SLC35F4: variants seen among roughly 807,000 people sequenced by gnomAD.
SLC35F4 encodes the protein solute carrier family 35 member F4.
SLC35F4 carries 24 observed loss-of-function variants against 44.2 expected under a neutral mutation model. The observed-to-expected ratio is 0.54, with a 90% CI of 0.39 to 0.76. The LOEUF (loss-of-function observed/expected upper bound fraction) is 0.76, where lower values mean the gene tolerates loss of function less well. Ranked by LOEUF, SLC35F4 falls within the 30% of genes least tolerant of loss-of-function variation. The pLI, the probability that SLC35F4 is intolerant of heterozygous loss-of-function variation, is 0.00. For missense variants in SLC35F4, 562 were observed against 586.1 expected, an observed-to-expected ratio of 0.96 and a Z score of 0.42; for synonymous variants, 238 against 223.6, an observed-to-expected ratio of 1.06 and a Z score of -0.57.
intron 1 of SLC35F4, among the ~76,000 whole-genome samples, chr14:57,783,091 AATC>A (rs1207475095): frequency 6.6e-6 from 1 of 152,154 alleles, no homozygotes; most frequent in Non-Finnish European, 1.5e-5. Flanking sequence ...TACCTTTTAA[AATC>A]ATATTAAAAA....
At position 57,715,705 on chromosome 14, in the gene SLC35F4, T is replaced by C. The variant is rs199766451; in HGVS notation, c.104-121581A>G. Among the ~76,000 whole-genome samples the C allele has an allele frequency of 5.3e-5, 8 of 152,050 alleles. No individual in the cohort carries two copies. In the East Asian group the frequency reaches 1.5e-3, roughly 29 times the overall value. ...ATTGAAATGAGCATCTGGCACTTAG[T>C]AGATGTTCAGTAAATGTTGGATGAT... On this transcript the variant is annotated intron_variant, in intron 1 of 7. Coordinates refer to ENST00000556826, the MANE Select transcript of SLC35F4 (RefSeq NM_001306087.2).
chr14:57,918,691 G>C (rs928777606), intron 1 of SLC35F4, among the ~76,000 whole-genome samples: 1 of 152,160 alleles, frequency 6.6e-6, no homozygotes, highest in African/African-American at 2.4e-5. Context: ...GAAGTGAATT[G>C]GGACCTTGAC....
chr14:57,917,716 G>A lies in SLC35F4; in HGVS notation n.282+64197C>T, dbSNP rs547998002. Among the ~76,000 whole-genome samples, 16 of 151,998 alleles carry A rather than the reference G, an allele frequency of 1.1e-4. 1 individual carries two copies. In the South Asian group the frequency reaches 2.7e-3, roughly 26 times the overall value. ...CTTCAATTTAAATTTTAGATACAGGGGGTACATGTACAGGTTTGTTACATA... is the reference window on the plus strand; with the variant it reads ...CTTCAATTTAAATTTTAGATACAGGAGGTACATGTACAGGTTTGTTACATA... On this transcript the variant is annotated intron_variant and non_coding_transcript_variant, in intron 1 of 1. Transcript: ENST00000556568.
intron 1 of SLC35F4, among the ~76,000 whole-genome samples, chr14:57,683,665 AT>A (rs1368765766): frequency 6.6e-6 from 1 of 152,024 alleles, no homozygotes; most frequent in African/African-American, 2.4e-5. Flanking sequence ...CTTTACTACT[AT>A]TTTGTGACAA....
chr14:57,973,665 T>C (rs564199609), downstream of SLC35F4, among the ~76,000 whole-genome samples: 44 of 152,226 alleles, frequency 2.9e-4, no homozygotes, highest in African/African-American at 1.0e-3. Flanking sequence ...GCTCTTTTGG[T>C]TGCACATAAC....
chr14:57,892,925 A>G (rs1888800971), intron 1 of SLC35F4, among the ~76,000 whole-genome samples: 1 of 152,196 alleles, frequency 6.6e-6, no homozygotes, highest in African/African-American at 2.4e-5. Flanking sequence ...TTGACTTGTA[A>G]AAAAAGAATC....
chr14:57,781,363 G>A (rs1024574250), intron 1 of SLC35F4, among the ~76,000 whole-genome samples: 4 of 151,976 alleles, frequency 2.6e-5, no homozygotes, highest in African/African-American at 4.8e-5. Flanking sequence ...AACCATAATA[G>A]GTACCATCTC....
intron 1 of SLC35F4, among the ~76,000 whole-genome samples, chr14:57,693,206 A>G (rs530958439): frequency 6.6e-6 from 1 of 152,330 alleles, no homozygotes; most frequent in South Asian, 2.1e-4. Flanking sequence ...TAAAGAGCTA[A>G]ATTTACCAAA....
intron 1 of SLC35F4, among the ~76,000 whole-genome samples, chr14:57,684,648 C>A (rs1035791065): frequency 6.6e-6 from 1 of 152,188 alleles, no homozygotes; most frequent in Non-Finnish European, 1.5e-5. Flanking sequence ...GGGTTTGGAA[C>A]CTCTGCCCTA....
chr14:57,746,899 G>A (rs1343735556), intron 1 of SLC35F4, among the ~76,000 whole-genome samples: 2 of 152,152 alleles, frequency 1.3e-5, no homozygotes, highest in East Asian at 3.9e-4. Context: ...CACATGTCTG[G>A]ATTCAAGTCC....
intron 1 of SLC35F4, among the ~76,000 whole-genome samples, chr14:57,736,702 GTCTC>G (rs762874004): frequency 3.1e-4 from 47 of 152,176 alleles, no homozygotes; most frequent in Non-Finnish European, 3.7e-4. Context: ...TGACCCTTGT[GTCTC>G]TCTCTGTATG....
chr14:57,620,152 G>A lies in SLC35F4; in HGVS notation c.104-26028C>T, dbSNP rs191293088. The stretch of plus-strand genomic sequence containing the variant: ...TTTCCAGGAGAACTTCCCCAACCTA[G>A]CAAGACAGGCCAACATTCCAATTCA... On this transcript the variant is annotated intron_variant, in intron 1 of 7. Transcript: ENST00000556826. 3.3e-3 allele frequency among the ~76,000 whole-genome samples: 505 copies of A among 152,232 alleles called. 6 individuals are homozygous for A. Among genetic ancestry groups the A allele is most frequent in the African/African-American group, 0.011 (461 of 41,516 alleles).
intron 1 of SLC35F4, among the ~76,000 whole-genome samples, chr14:57,816,249 C>G (rs62004968): frequency 0.028 from 4,302 of 152,152 alleles, 119 homozygotes; most frequent in African/African-American, 0.075. Context: ...CTTTGTTTTT[C>G]TTCTCATTAA....
At chr14:57,855,264 A>G (rs542859497) in intron 1 of SLC35F4, among the ~76,000 whole-genome samples, 1 of 152,340 alleles carries the variant, frequency 6.6e-6, no homozygotes, top group African/African-American at 2.4e-5. Flanking sequence ...ACAGAATGGG[A>G]GAAAATTTTT....
intron 1 of SLC35F4, among the ~76,000 whole-genome samples, chr14:57,751,601 G>A (rs931847399): frequency 2.6e-5 from 4 of 152,124 alleles, no homozygotes; most frequent in Admixed American, 2.6e-4. Context: ...CTTCTAGACT[G>A]TGTTTTTTTT....
intron 1 of SLC35F4, among the ~76,000 whole-genome samples, chr14:57,816,329 A>G (rs1489962486): frequency 6.6e-6 from 1 of 152,190 alleles, no homozygotes; most frequent in African/African-American, 2.4e-5. Flanking sequence ...AAGCAAATCA[A>G]GTACTGCAAC....
At chr14:57,719,889 A>T (rs1422130798) in intron 1 of SLC35F4, among the ~76,000 whole-genome samples, 1 of 152,012 alleles carries the variant, frequency 6.6e-6, no homozygotes, top group East Asian at 1.9e-4. Context: ...TGTGCTCCAG[A>T]TCTAAGAGGA....
chr14:57,847,299 G>C (rs1183398708), intron 1 of SLC35F4, among the ~76,000 whole-genome samples: 1 of 152,122 alleles, frequency 6.6e-6, no homozygotes, highest in African/African-American at 2.4e-5. Context: ...TGGAATGCAA[G>C]CTGTGCCTTG....
intron 1 of SLC35F4, among the ~76,000 whole-genome samples, chr14:57,891,071 G>A (rs188153225): frequency 6.6e-6 from 1 of 152,270 alleles, no homozygotes; most frequent in East Asian, 1.9e-4. Context: ...TCAGAGGAAT[G>A]GACCAAATCA....
Sources: allele counts gnomAD v4.1 joint callset (sites outside exome capture counted in the v4.1 genomes callset), GRCh38; gene constraint gnomAD v4.1.1; transcripts MANE v1.5; gene names NCBI Gene and HGNC (gene_info 2026-07-23, HGNC 2026-07-21).